The following FLG variants were observed in gnomAD, a reference collection of about 807,000 sequenced individuals.
The protein encoded by FLG is epidermal filaggrin.
A neutral mutation model predicts 3.8 loss-of-function variants in FLG; 6 were observed. The ratio of observed to expected loss-of-function variants is 1.60; its 90% CI spans 0.87 to 3.15. The LOEUF is 3.15. Among genes scored for constraint, FLG ranks in the 30% most tolerant of loss-of-function variants. FLG has a pLI of 0.00. For missense variants in FLG, 7,595 were observed against 5,050.9 expected (o/e 1.50, Z -15.27); for synonymous variants, 2,551 against 1,931.6 (o/e 1.32, Z -8.41).
chr1:152,312,748 T>A lies in FLG; in HGVS notation c.2138A>T (p.Gln713Leu), dbSNP rs543019854. Residue 713 changes from glutamine (Q) to leucine (L), a missense_variant, in exon 3 of 3, where the codon CAG becomes CTG. Coordinates refer to ENST00000368799, the MANE Select transcript of FLG (RefSeq NM_002016.2). Reference protein sequence around the residue: ...SAGERHGSRHQLQSADSSRHS... With the variant: ...SAGERHGSRHLLQSADSSRHS... ...TCTGGAGCTGTCTGCTGACTGGAGC[T>A]GGTGGCGGGATCCATGTCTTTCTCC... 3 of 1,614,032 alleles carry A rather than the reference T, an allele frequency of 1.9e-6. No homozygotes were observed. The highest frequency in any genetic ancestry group is 2.2e-5 in the South Asian group (2 of 91,064).
chr1:152,308,104 C>A lies in FLG; in HGVS notation c.6782G>T (p.Gly2261Val), dbSNP rs549099674. The change falls in exon 3 of 3, where the codon GGG becomes GTG. Residue 2261 changes from glycine (G) to valine (V), a missense_variant. Physicochemically the swap from Gly to Val is moderately radical, Grantham distance 109 (BLOSUM62 -3). Coordinates refer to ENST00000368799, the MANE Select transcript of FLG (RefSeq NM_002016.2). ...GHSEDSERRS[G>V]SASRNHHGSA... ...TCCATGATGGTTTCTGGACGCAGAC[C>A]CAGACCGCCTCTCAGAATCTTCTGA... is the stretch of plus-strand genomic sequence containing the variant. The A allele has an allele frequency of 6.2e-7, 1 of 1,611,306 alleles. No homozygotes were observed. Among genetic ancestry groups the A allele is most frequent in the South Asian group, 1.1e-5 (1 of 91,050 alleles).
chr1:152,313,985 T>C lies in FLG; in HGVS notation c.901A>G (p.Arg301Gly). Residue 301 changes from arginine (R) to glycine (G), a missense_variant, in exon 3 of 3, where the codon AGG becomes GGG. By Grantham distance (125) the Arg-to-Gly change is moderately radical. Transcript: ENST00000368799. ...TCTTCTGAGTGTCCCTCACTGTCCC[T>C]GTCCTGGCTAACTCTGGATCCCCTA... ...KRRGSRVSQD[R>G]DSEGHSEDSE... The C allele has an allele frequency of 6.2e-7, 1 of 1,614,212 alleles. No homozygotes were observed. Among genetic ancestry groups the C allele is most frequent in the East Asian group, 2.2e-5 (1 of 44,888 alleles).
chr1:152,320,009 T>C (rs1652903254), intron 1 of FLG, among the ~76,000 whole-genome samples: 1 of 151,410 alleles, frequency 6.6e-6, no homozygotes, highest in African/African-American at 2.4e-5. Flanking sequence ...AGTTAAGTAT[T>C]GTAGGATACT....
rs778248679 is a variant in FLG, at chr1:152,312,056, A to G, written c.2830T>C (p.Ser944Pro). 2 of 1,613,924 alleles carry G rather than the reference A, an allele frequency of 1.2e-6. No homozygotes were observed. The highest frequency in any genetic ancestry group is 1.7e-6 in the Non-Finnish European group (2 of 1,179,968). Residue 944 changes from serine to proline, a missense_variant, in exon 3 of 3, where the codon TCC (serine) becomes CCC (proline). Coordinates refer to ENST00000368799, the MANE Select transcript of FLG (RefSeq NM_002016.2). ...EGSRTSRRQG[S>P]SVSQDSDSEG... ...CTGTCACTGTCCTGGCTAACACTGG[A>G]TCCCTGGCGCCTGCTTGTCCTGGAC... is the stretch of plus-strand genomic sequence containing the variant.
At chr1:152,322,091 GATTA>G (rs1652996726) in intron 1 of FLG, among the ~76,000 whole-genome samples, 2 of 151,114 alleles carry the variant, frequency 1.3e-5, no homozygotes, top group African/African-American at 4.8e-5. Flanking sequence ...TATTAATTCT[GATTA>G]ATAAATAAAA....
At position 152,309,469 on chromosome 1, in the gene FLG, G is replaced by A. The variant is rs780957099; in HGVS notation, c.5417C>T (p.Ser1806Phe). Reference sequence around the variant, plus strand: ...ACGAATGGTGTCCTGACCCTCTTGGGACGCTGAGTGCCTGGAGCTGTCTCG... The same window carrying A: ...ACGAATGGTGTCCTGACCCTCTTGGAACGCTGAGTGCCTGGAGCTGTCTCG... ...QARDSSRHSA[S>F]QEGQDTIRGH... Residue 1806 changes from serine (S) to phenylalanine (F), a missense_variant, in exon 3 of 3, where the codon TCC (serine) becomes TTC (phenylalanine). Transcript: ENST00000368799. 2.7e-5 allele frequency: 44 copies of A among 1,613,324 alleles called. No homozygotes were observed. Among genetic ancestry groups the A allele is most frequent in the Non-Finnish European group, 2.5e-6 (3 of 1,179,932 alleles).
Position 152,307,392 on chromosome 1 carries a change from C to T in FLG, c.7494G>A (p.Gln2498=), listed in dbSNP as rs141241616. The T allele has an allele frequency of 2.6e-5, 42 of 1,613,152 alleles. No homozygotes were observed. Among genetic ancestry groups the T allele is most frequent in the Non-Finnish European group, 3.4e-5 (40 of 1,179,714 alleles). ...SGSHHSHTTS[Q]GRSDASHGHS... ...GCCCATGGGAGGCATCAGACCTTCCCTGGGATGTGGTGTGGCTGTGATGAG... is the reference window on the plus strand; with the variant it reads ...GCCCATGGGAGGCATCAGACCTTCCTTGGGATGTGGTGTGGCTGTGATGAG... The change falls in exon 3 of 3, where the codon CAG becomes CAA. Residue 2498 remains glutamine (Q), a synonymous_variant. Transcript: ENST00000368799.
In FLG at chr1:152,314,377, TC is replaced by T; in HGVS notation, c.508del (p.Glu170LysfsTer24). 1 of 1,612,908 alleles carries T rather than the reference TC, an allele frequency of 6.2e-7. No homozygotes were observed. Among genetic ancestry groups the T allele is most frequent in the South Asian group, 1.1e-5 (1 of 90,984 alleles). ...ATGATGGTTTTTTCCATATTCTTCTTCTCTATGAGTAGGTGAATATCCTTTT... is the reference window on the plus strand; with the variant it reads ...ATGATGGTTTTTTCCATATTCTTCTTTCTATGAGTAGGTGAATATCCTTTT... ...ERKGYSPTHREEEYGKNHHNS... is the reference protein window; with the variant it reads ...ERKGYSPTHRXEEYGKNHHNS... On this transcript the variant is annotated frameshift_variant, in exon 3 of 3. Transcript: ENST00000368799. LOFTEE classifies it low-confidence loss of function (END_TRUNC).
In FLG at chr1:152,303,730, T is replaced by C; in HGVS notation, c.11156A>G (p.Gln3719Arg). The C allele has an allele frequency of 6.2e-7, 1 of 1,614,004 alleles. No individual in the cohort carries two copies. Among genetic ancestry groups the C allele is most frequent in the East Asian group, 2.2e-5 (1 of 44,850 alleles). The change falls in exon 3 of 3, where the codon CAG becomes CGG. Residue 3719 changes from glutamine to arginine, a missense_variant. Coordinates refer to ENST00000368799, the MANE Select transcript of FLG (RefSeq NM_002016.2). ...AGCCCGTCCATGGGCAGACTCAGAC[T>C]GTTCATGAGTGCTCACCTGGTAGAG... ...SFLYQVSTHE[Q>R]SESAHGRAGP...
Position 152,309,110 on chromosome 1 carries a change from C to A in FLG, c.5776G>T (p.Gly1926Ter), listed in dbSNP as rs765411939. Residue 1926 changes from glycine (G) to a stop codon, truncating the protein, a stop_gained, in exon 3 of 3, where the codon GGA becomes TGA. Transcript: ENST00000368799. LOFTEE classifies it low-confidence loss of function (END_TRUNC). ...SSVSQDSDSQ[G>*]HSEDSERWSG... ...CACCTCTCAGAGTCTTCTGAGTGTCCCTGACTGTCACTGTCCTGGCTAACA... is the reference window on the plus strand; with the variant it reads ...CACCTCTCAGAGTCTTCTGAGTGTCACTGACTGTCACTGTCCTGGCTAACA... The A allele has an allele frequency of 1.2e-6, 2 of 1,613,790 alleles. No individual in the cohort carries two copies. The highest frequency in any genetic ancestry group is 2.2e-5 in the East Asian group (1 of 44,858).
chr1:152,312,432 T>C lies in FLG; in HGVS notation c.2454A>G (p.Gln818=). ...CTCGTGCCTGCTCATGGTGGGATCC[T>C]TGTCTTACTCCAGTGCTGGGCCCTG... ...GWTGPSTGVR[Q]GSHHEQARDN... The change falls in exon 3 of 3, where the codon CAA becomes CAG. Residue 818 remains glutamine, a synonymous_variant. Transcript: ENST00000368799. The C allele has an allele frequency of 1.2e-6, 2 of 1,613,612 alleles. No homozygotes were observed. Among genetic ancestry groups the C allele is most frequent in the East Asian group, 2.2e-5 (1 of 44,820 alleles).
In FLG at chr1:152,313,085, A is replaced by G. The variant is rs1240882795; in HGVS notation, c.1801T>C (p.Ser601Pro). The G allele has an allele frequency of 6.2e-7, 1 of 1,613,666 alleles. No individual in the cohort carries two copies. Among genetic ancestry groups the G allele is most frequent in the Non-Finnish European group, 8.5e-7 (1 of 1,179,940 alleles). ...ASSQADSSRH[S>P]QVGQGQSSGP... is the part of the protein sequence containing the mutation. ...GATGATTGTCCCTGGCCCACCTGTG[A>G]GTGTCTAGAGCTGTCAGCCTGAGAG... The change falls in exon 3 of 3, where the codon TCA (serine) becomes CCA (proline). Residue 601 changes from serine (S) to proline (P), a missense_variant. Transcript: ENST00000368799.
rs71626706 is a variant in FLG at position 152,310,434 on chromosome 1, G to C, written c.4452C>G (p.Asp1484Glu). The C allele has an allele frequency of 0.024, 38,732 of 1,613,336 alleles. 701 individuals are homozygous for C. Among genetic ancestry groups the C allele is most frequent in the South Asian group, 0.055 (5,028 of 91,008 alleles). ...RNSSRHSASQDGQDTIRGHPG... is the reference protein window; with the variant it reads ...RNSSRHSASQEGQDTIRGHPG... ...GGTGTCCACGAATGGTGTCCTGACC[G>C]TCTTGGGATGCTGAGTGCCTAGAGC... The change falls in exon 3 of 3, where the codon GAC becomes GAG. Residue 1484 changes from aspartate (D) to glutamate (E), a missense_variant. By Grantham distance (45) the Asp-to-Glu change is conservative (BLOSUM62 2). Transcript: ENST00000368799.
rs535289422 is a variant in FLG at position 152,307,697 on chromosome 1, G to T, written c.7189C>A (p.Gln2397Lys). The change falls in exon 3 of 3, where the codon CAA (glutamine) becomes AAA (lysine). Residue 2397 changes from glutamine to lysine, a missense_variant. Coordinates refer to ENST00000368799, the MANE Select transcript of FLG (RefSeq NM_002016.2). The stretch of plus-strand genomic sequence containing the variant: ...GCTGACCGGCCACGTGTGGACTCTT[G>T]GTGGCTCTGCTGATGGGGCCCAGCC... ...GQAGPHQQSH[Q>K]ESTRGRSAGR... 3 of 1,613,344 alleles carry T rather than the reference G, an allele frequency of 1.9e-6. No individual in the cohort carries two copies. Among genetic ancestry groups the T allele is most frequent in the East Asian group, 2.2e-5 (1 of 44,826 alleles).
rs762482435 is a variant in FLG at position 152,310,027 on chromosome 1, C to G, written c.4859G>C (p.Gly1620Ala). The G allele has an allele frequency of 2.7e-5, 44 of 1,613,694 alleles. No individual in the cohort carries two copies. The Admixed American group carries it at 5.8e-4, about 21-fold the overall frequency. The change falls in exon 3 of 3, where the codon GGA (glycine) becomes GCA (alanine). Residue 1620 changes from glycine (G) to alanine (A), a missense_variant. By Grantham distance (60) the Gly-to-Ala change is moderately conservative. Coordinates refer to ENST00000368799, the MANE Select transcript of FLG (RefSeq NM_002016.2). ...RSESASRNHY[G>A]SAREQSRHGS... ...ATGTCTTGACTGCTCCCGAGCAGAT[C>G]CATAATGGTTTCTGGAAGCCGACTC...
At position 152,313,280 on chromosome 1, in the gene FLG, C is replaced by T. The variant is rs1652592003; in HGVS notation, c.1606G>A (p.Val536Ile). ...GAACCTGAGTGTCCAGACCTATTTA[C>T]CGATTGCTCGTGGTGGGATCCCTGC... ...GRQGSHHEQS[V>I]NRSGHSGSHH... The change falls in exon 3 of 3, where the codon GTA becomes ATA. Residue 536 changes from valine (V) to isoleucine (I), a missense_variant. Transcript: ENST00000368799. 4 of 1,613,718 alleles carry T rather than the reference C, an allele frequency of 2.5e-6. No homozygotes were observed. The South Asian group carries it at 3.3e-5, about 13-fold the overall frequency.
In FLG at chr1:152,307,210, G is replaced by T. The variant is rs76074237; in HGVS notation, c.7676C>A (p.Thr2559Lys). The change falls in exon 3 of 3, where the codon ACA becomes AAA. Residue 2559 changes from threonine to lysine, a missense_variant. Transcript: ENST00000368799. ...VGQGQSEGPR[T>K]SRNWGSSFSQ... The stretch of plus-strand genomic sequence containing the variant: ...AAAACTGGATCCCCAGTTCCTGCTT[G>T]TCCTGGGCCCCTCTGATTGTCCCTG... The T allele has an allele frequency of 1.9e-3, 3,020 of 1,612,510 alleles. 173 individuals are homozygous for T. In the African/African-American group the frequency reaches 0.036, roughly 19 times the overall value.
rs146212122 is a variant in FLG, at chr1:152,303,446, G to C, written c.11440C>G (p.Arg3814Gly). The C allele has an allele frequency of 1.9e-6, 3 of 1,613,664 alleles. No individual in the cohort carries two copies. The highest frequency in any genetic ancestry group is 2.5e-6 in the Non-Finnish European group (3 of 1,179,974). The change falls in exon 3 of 3, where the codon CGT becomes GGT. Residue 3814 changes from arginine to glycine, a missense_variant. Transcript: ENST00000368799. ...SGSRSASRET[R>G]NEEQSGDGSR... is the part of the protein sequence containing the mutation. ...CCGTCTCCTGACTGTTCCTCATTACGTGTTTCTCTGCTTGCACTTCTGGAT... is the reference window on the plus strand; with the variant it reads ...CCGTCTCCTGACTGTTCCTCATTACCTGTTTCTCTGCTTGCACTTCTGGAT...
In FLG at chr1:152,315,479, T is replaced by C; in HGVS notation, c.-21-2A>G. The C allele has an allele frequency of 6.2e-7, 1 of 1,602,154 alleles. No individual in the cohort carries two copies. The highest frequency in any genetic ancestry group is 8.5e-7 in the Non-Finnish European group (1 of 1,174,316). ...CATCTTTTGGCAATAAATGTGAACC[T>C]AGAAAGAAGAAATGAAAATGCACTT... On this transcript the variant is annotated splice_acceptor_variant, in intron 1 of 2. Coordinates refer to ENST00000368799, the MANE Select transcript of FLG (RefSeq NM_002016.2). LOFTEE classifies it low-confidence loss of function (5UTR_SPLICE).
Sources: allele counts gnomAD v4.1 joint callset (sites outside exome capture counted in the v4.1 genomes callset), GRCh38; gene constraint gnomAD v4.1.1; transcripts MANE v1.5; gene names NCBI Gene and HGNC (gene_info 2026-07-23, HGNC 2026-07-21).